CR1: variants seen among roughly 807,000 people sequenced by gnomAD.
CR1 encodes complement C3b/C4b receptor 1 (Knops blood group).
A neutral mutation model predicts 187.3 loss-of-function variants in CR1; 116 were observed. That is an observed-to-expected ratio of 0.62 (90% CI 0.53 to 0.72). The LOEUF (loss-of-function observed/expected upper bound fraction) is 0.72, where lower values mean the gene tolerates loss of function less well. CR1 is among the 30% of genes least tolerant of loss of function. The pLI, the probability that CR1 is intolerant of heterozygous loss-of-function variation, is 0.00. For synonymous variants in CR1, 576 were observed against 747.1 expected (o/e 0.77, Z 3.73); for missense variants, 1,731 against 2,110.7 (o/e 0.82, Z 3.52).
intron 23 of CR1, 37 bp from the exon 24 acceptor site, chr1:207,565,801 G>T: frequency 6.2e-7 from 1 of 1,609,646 alleles, no homozygotes; most frequent in South Asian, 1.1e-5. Flanking sequence ...CCTCTTGGCT[G>T]AAACAGCTCA....
intron 27 of CR1, 82 bp from the exon 28 acceptor site, chr1:207,575,513 C>T: frequency 4.5e-6 from 7 of 1,566,620 alleles, no homozygotes; most frequent in Non-Finnish European, 5.3e-6. Context: ...CATTGTAATC[C>T]TTCTGGTTTG....
At chr1:207,566,495 G>A (rs1660501120) in intron 24 of CR1, among the ~76,000 whole-genome samples, 1 of 149,930 alleles carries the variant, frequency 6.7e-6, no homozygotes, top group South Asian at 2.1e-4. Flanking sequence ...TGAATTCCCT[G>A]TCCCCATGTT....
intron 29 of CR1, among the ~76,000 whole-genome samples, chr1:207,579,339 C>T (rs1466929714): frequency 2.6e-5 from 4 of 152,154 alleles, no homozygotes; most frequent in Admixed American, 1.3e-4. Context: ...CCATGTTAGC[C>T]TTGTGCAACC....
intron 39 of CR1, among the ~76,000 whole-genome samples, chr1:207,612,722 G>A (rs1661970203): frequency 6.6e-6 from 1 of 152,226 alleles, no homozygotes; most frequent in Admixed American, 6.5e-5. Flanking sequence ...GCCCCTGGTG[G>A]GAGGGGATGT....
intron 33 of CR1, 112 bp from the exon 34 acceptor site, chr1:207,587,274 T>C (rs1268392660): frequency 9.8e-6 from 9 of 918,710 alleles, no homozygotes; most frequent in Non-Finnish European, 1.4e-5. Flanking sequence ...TTTGCTATTC[T>C]TGTAAGTCTC....
At chr1:207,523,554 T>C (rs1660062061) in intron 4 of CR1, 57 bp from the exon 5 acceptor site, 2 of 1,606,200 alleles carry the variant, frequency 1.2e-6, no homozygotes, top group Admixed American at 3.4e-5. Context: ...ACTCATGAGA[T>C]TTCTGTCATT....
At chr1:207,627,136 TC>T (rs1296330466) in intron 45 of CR1, among the ~76,000 whole-genome samples, 2 of 152,182 alleles carry the variant, frequency 1.3e-5, no homozygotes, top group Admixed American at 6.6e-5. Context: ...GATCTCACCT[TC>T]TTTAAAATGC....
chr1:207,581,407 C>CAT (rs1431013836), intron 31 of CR1, among the ~76,000 whole-genome samples: 1 of 148,490 alleles, frequency 6.7e-6, no homozygotes, highest in East Asian at 2.0e-4. Flanking sequence ...TATGTATATA[C>CAT]ATATATATGG....
rs533221407 is a variant in CR1 at position 207,565,538 on chromosome 1, T to A, written c.3867-300T>A. Reference sequence around the variant, plus strand: ...CAACAATGAGTGATTTATCAGGTTATCATGGAGTAATCAGTGAAACTCCAA... The same window carrying A: ...CAACAATGAGTGATTTATCAGGTTAACATGGAGTAATCAGTGAAACTCCAA... On this transcript the variant is annotated intron_variant, in intron 23 of 46. Transcript: ENST00000367049. Among the ~76,000 whole-genome samples, 3 of 150,248 alleles carry A rather than the reference T, an allele frequency of 2.0e-5. 1 individual carries two copies. The highest frequency in any genetic ancestry group is 7.6e-5 in the African/African-American group (3 of 39,660).
intron 31 of CR1, among the ~76,000 whole-genome samples, chr1:207,581,353 C>T (rs1264720532): frequency 3.8e-5 from 5 of 132,690 alleles, no homozygotes; most frequent in African/African-American, 1.5e-4. Flanking sequence ...TATACGTATA[C>T]ATGTCCATAT....
chr1:207,565,792 C>A, intron 23 of CR1, 46 bp from the exon 24 acceptor site: 1 of 1,608,516 alleles, frequency 6.2e-7, no homozygotes, highest in Non-Finnish European at 8.5e-7. Flanking sequence ...ACTAAGTGTC[C>A]TCTTGGCTGA....
intron 5 of CR1, among the ~76,000 whole-genome samples, chr1:207,525,501 T>C (rs1660138749): frequency 6.6e-6 from 1 of 151,868 alleles, no homozygotes; most frequent in African/African-American, 2.4e-5. Context: ...CCAAAGTCAT[T>C]GGCATCGTTA....
In CR1 at chr1:207,516,051, C is replaced by CA. The variant is rs200818618; in HGVS notation, c.487+4405dup. On this transcript the variant is annotated intron_variant, in intron 4 of 46. Coordinates refer to ENST00000367049, the MANE Select transcript of CR1 (RefSeq NM_000651.6). ...GCAGCAGAGTGAGACCCTGTCTCTA[C>CA]AAAAAAAATAAATATATAAAATTAG... 9.5e-3 allele frequency among the ~76,000 whole-genome samples: 1,447 copies of CA among 151,658 alleles called. 15 individuals carry two copies. Among genetic ancestry groups the CA allele is most frequent in the Non-Finnish European group, 0.014 (925 of 67,868 alleles).
chr1:207,584,434 T>A (rs1056397590), intron 32 of CR1, among the ~76,000 whole-genome samples: 3 of 152,192 alleles, frequency 2.0e-5, no homozygotes, highest in African/African-American at 7.2e-5. Flanking sequence ...ATGCTTAATT[T>A]GGGAAAGGCT....
At chr1:207,625,778 G>T (rs1281678188) in intron 45 of CR1, among the ~76,000 whole-genome samples, 1 of 152,158 alleles carries the variant, frequency 6.6e-6, no homozygotes, top group African/African-American at 2.4e-5. Context: ...CACAGGACCA[G>T]TTGAGTCATG....
At chr1:207,587,636 C>T (rs758569149) in intron 34 of CR1, 71 bp downstream of exon 34, 37 of 1,436,506 alleles carry the variant, frequency 2.6e-5, no homozygotes, top group African/African-American at 4.3e-5. Context: ...TGGTGGCTCA[C>T]GCCTGTAATC....
In CR1 at chr1:207,575,600, G is replaced by C; in HGVS notation, c.4457G>C (p.Arg1486Pro). 6.2e-7 allele frequency: 1 copy of C among 1,611,764 alleles called. No homozygotes were observed. Among genetic ancestry groups the C allele is most frequent in the South Asian group, 1.1e-5 (1 of 90,988 alleles). ...TTTCCATTTTTTGCCTTTAGGCACCGACTCATTGGTCACTCATCTGCTGAA... is the reference window on the plus strand; with the variant it reads ...TTTCCATTTTTTGCCTTTAGGCACCCACTCATTGGTCACTCATCTGCTGAA... ...RINYSCTTGH[R>P]LIGHSSAECI... The change falls in exon 28 of 47, where the codon CGA becomes CCA. Residue 1486 changes from arginine to proline, a missense_variant. By Grantham distance (103) the Arg-to-Pro change is moderately radical. Transcript: ENST00000367049.
chr1:207,606,784 ACTC>A (rs1471061759), intron 35 of CR1, among the ~76,000 whole-genome samples: 2 of 151,860 alleles, frequency 1.3e-5, no homozygotes, highest in African/African-American at 4.8e-5. Flanking sequence ...TCATTTACTG[ACTC>A]TTCTGGGTAA....
At chr1:207,633,612 T>C (rs1252910490) in intron 46 of CR1, among the ~76,000 whole-genome samples, 1 of 152,250 alleles carries the variant, frequency 6.6e-6, no homozygotes, top group Non-Finnish European at 1.5e-5. Context: ...ACATTGTGCT[T>C]ATGTGTGTTT....
Sources: gnomAD v4.1 joint callset for allele counts (sites outside exome capture counted in the v4.1 genomes callset) on GRCh38, gnomAD v4.1.1 for gene constraint, MANE v1.5 for transcripts, NCBI Gene and HGNC (gene_info 2026-07-23, HGNC 2026-07-21) for gene names.